The following HIRA variants were observed in gnomAD, a reference collection of about 807,000 sequenced individuals.
HIRA encodes protein HIRA.
In HIRA, 13 loss-of-function variants were observed where a neutral mutation model predicts 126.6. The observed-to-expected ratio is 0.10, with a 90% CI of 0.07 to 0.16. The LOEUF (loss-of-function observed/expected upper bound fraction) is 0.16, where lower values mean the gene tolerates loss of function less well. HIRA is among the 10% of genes least tolerant of loss of function. HIRA has a pLI of 1.00. For missense variants in HIRA, 834 were observed against 1,314.4 expected, an observed-to-expected ratio of 0.63 and a Z score of 5.65; for synonymous variants, 511 against 520.0, an observed-to-expected ratio of 0.98 and a Z score of 0.24.
At chr22:19,390,410 T>C (rs28496364) in intron 9 of HIRA, among the ~76,000 whole-genome samples, 1 of 151,410 alleles carries the variant, frequency 6.6e-6, no homozygotes, top group Non-Finnish European at 1.5e-5. Context: ...CTGGACAACA[T>C]GGTGAAACCC....
At chr22:19,367,710 T>C (rs538919453) in intron 15 of HIRA, among the ~76,000 whole-genome samples, 2 of 152,312 alleles carry the variant, frequency 1.3e-5, no homozygotes, top group East Asian at 1.9e-4. Flanking sequence ...AGATCACGTA[T>C]ACATAGTACA....
At chr22:19,418,438 C>T (rs1381413736) in intron 1 of HIRA, among the ~76,000 whole-genome samples, 1 of 151,314 alleles carries the variant, frequency 6.6e-6, no homozygotes, top group Non-Finnish European at 1.5e-5. Context: ...TCCTGACTAA[C>T]ACGGTGAAAC....
chr22:19,393,364 A>AT (rs1218791346), intron 8 of HIRA, among the ~76,000 whole-genome samples: 13 of 151,716 alleles, frequency 8.6e-5, no homozygotes, highest in South Asian at 4.2e-4. Context: ...ATCTTTTTTT[A>AT]TTTTTATTTT....
chr22:19,368,169 C>T (rs546082179), intron 15 of HIRA, among the ~76,000 whole-genome samples: 14 of 152,300 alleles, frequency 9.2e-5, no homozygotes, highest in Non-Finnish European at 1.8e-4. Flanking sequence ...TGGGCACTGT[C>T]TTCAGCTGTT....
intron 24 of HIRA, among the ~76,000 whole-genome samples, chr22:19,350,823 T>C (rs1469910881): frequency 6.6e-6 from 1 of 152,074 alleles, no homozygotes; most frequent in Non-Finnish European, 1.5e-5. Context: ...TTGCTTTTAC[T>C]CTCACTTCTA....
At chr22:19,423,415 G>C (rs952769721) in intron 1 of HIRA, among the ~76,000 whole-genome samples, 2 of 151,320 alleles carry the variant, frequency 1.3e-5, no homozygotes, top group Non-Finnish European at 2.9e-5. Context: ...CAAGAGCCTG[G>C]CATGCTGCTT....
intron 8 of HIRA, among the ~76,000 whole-genome samples, chr22:19,393,974 A>C (rs1001840123): frequency 6.6e-6 from 1 of 152,092 alleles, no homozygotes; most frequent in African/African-American, 2.4e-5. Context: ...GCAGCTCCCA[A>C]CTCAGTGATC....
At chr22:19,388,623 C>A in intron 9 of HIRA, 69 bp from the exon 10 acceptor site, 2 of 1,223,058 alleles carry the variant, frequency 1.6e-6, no homozygotes, top group East Asian at 2.4e-5. Context: ...GCTCAGTTAA[C>A]ATAACCAACC....
intron 13 of HIRA, among the ~76,000 whole-genome samples, chr22:19,383,344 T>C (rs1445874637): frequency 6.6e-6 from 1 of 152,116 alleles, no homozygotes; most frequent in African/African-American, 2.4e-5. Flanking sequence ...CTGCTTTCCT[T>C]GTGCGTCCTC....
At chr22:19,335,350 T>G (rs1307642055) in intron 24 of HIRA, among the ~76,000 whole-genome samples, 1 of 152,060 alleles carries the variant, frequency 6.6e-6, no homozygotes, top group Non-Finnish European at 1.5e-5. Context: ...GTTCAAGCAA[T>G]TCTTGTGTCT....
At chr22:19,341,307 C>T (rs1024386783) in intron 24 of HIRA, among the ~76,000 whole-genome samples, 9 of 151,962 alleles carry the variant, frequency 5.9e-5, no homozygotes, top group East Asian at 3.9e-4. Context: ...AAAAATTAGC[C>T]GGGTGTGCTG....
chr22:19,403,078 G>A (rs2089281862), intron 5 of HIRA, among the ~76,000 whole-genome samples: 1 of 149,134 alleles, frequency 6.7e-6, no homozygotes, highest in Non-Finnish European at 1.5e-5. Flanking sequence ...ATTTTGCCTG[G>A]GTGACATAGT....
At chr22:19,409,626 G>A (rs7284201) in intron 2 of HIRA, among the ~76,000 whole-genome samples, 26,985 of 152,118 alleles carry the variant, frequency 0.18, 2,527 homozygotes, top group East Asian at 0.31. Context: ...ATCTAACGAA[G>A]TTTAGCCCCT....
intron 15 of HIRA, among the ~76,000 whole-genome samples, chr22:19,371,217 G>A (rs1025202667): frequency 1.3e-5 from 2 of 152,046 alleles, no homozygotes. Context: ...ACTCCCTCTT[G>A]ACAACTACCC....
At chr22:19,374,812 T>C (rs1048480696) in intron 15 of HIRA, among the ~76,000 whole-genome samples, 1 of 152,220 alleles carries the variant, frequency 6.6e-6, no homozygotes, top group Non-Finnish European at 1.5e-5. Context: ...AGGGTGTGTC[T>C]GCCCAGGGCT....
At chr22:19,333,620 C>T (rs985500413) in intron 24 of HIRA, among the ~76,000 whole-genome samples, 6 of 152,100 alleles carry the variant, frequency 3.9e-5, no homozygotes, top group East Asian at 1.9e-4. Context: ...AGTAGACCCC[C>T]GTCTTTCCTC....
intron 15 of HIRA, among the ~76,000 whole-genome samples, chr22:19,372,498 T>A (rs766304886): frequency 3.3e-5 from 5 of 152,208 alleles, no homozygotes; most frequent in Non-Finnish European, 5.9e-5. Flanking sequence ...TAGATGGGAT[T>A]TGCAAATATT....
chr22:19,426,427 T>C (rs1278179172), intron 1 of HIRA, among the ~76,000 whole-genome samples: 1 of 152,208 alleles, frequency 6.6e-6, no homozygotes, highest in Non-Finnish European at 1.5e-5. Context: ...TTTCTCCTGA[T>C]GGTCTCATGT....
intron 9 of HIRA, among the ~76,000 whole-genome samples, chr22:19,388,793 G>A (rs1015837876): frequency 1.3e-5 from 2 of 152,202 alleles, no homozygotes; most frequent in African/African-American, 2.4e-5. Flanking sequence ...GGTCTGACAG[G>A]GGAAATAGCT....
Sources: gnomAD v4.1 joint callset for allele counts (sites outside exome capture counted in the v4.1 genomes callset) on GRCh38, gnomAD v4.1.1 for gene constraint, MANE v1.5 for transcripts, NCBI Gene and HGNC (gene_info 2026-07-23, HGNC 2026-07-21) for gene names.